SHROOM3: variants seen among roughly 807,000 people sequenced by gnomAD.
SHROOM3 encodes the protein shroom family member 3.
In SHROOM3, 47 loss-of-function variants were observed where a neutral mutation model predicts 138.6. That is an observed-to-expected ratio of 0.34 (90% CI 0.27 to 0.43). The LOEUF (loss-of-function observed/expected upper bound fraction) is 0.43, where lower values mean the gene tolerates loss of function less well. SHROOM3 is among the 20% of genes least tolerant of loss of function. The pLI, the probability that SHROOM3 is intolerant of heterozygous loss-of-function variation, is 1.00. For synonymous variants in SHROOM3, 1,062 were observed against 1,063.3 expected, an observed-to-expected ratio of 1.00 and a Z score of 0.02; for missense variants, 2,491 against 2,596.5, an observed-to-expected ratio of 0.96 and a Z score of 0.88.
chr4:76,657,180 TCTCTCTCTCG>T (rs1314827147), intron 2 of SHROOM3, among the ~76,000 whole-genome samples: 1 of 150,788 alleles, frequency 6.6e-6, no homozygotes, highest in Non-Finnish European at 1.5e-5. Flanking sequence ...TCTCTCTCTC[TCTCTCTCTCG>T]CTCTCTCTCT....
intron 2 of SHROOM3, among the ~76,000 whole-genome samples, chr4:76,661,546 T>G (rs1438573099): frequency 6.6e-6 from 1 of 152,192 alleles, no homozygotes; most frequent in Admixed American, 6.5e-5. Context: ...TATAGTCCAT[T>G]TTTATCACCA....
intron 1 of SHROOM3, among the ~76,000 whole-genome samples, chr4:76,541,625 G>GCACACACA (rs149127524): frequency 3.4e-5 from 5 of 148,558 alleles, no homozygotes; most frequent in Admixed American, 1.3e-4. Flanking sequence ...ATATGTGGGC[G>GCACACACA]CACACACACA....
chr4:76,713,062 C>T (rs566291982), intron 3 of SHROOM3, among the ~76,000 whole-genome samples: 1 of 152,342 alleles, frequency 6.6e-6, no homozygotes, highest in South Asian at 2.1e-4. Flanking sequence ...GCAGGAATGG[C>T]AGTTGCTCTG....
chr4:76,672,633 C>T (rs1241441934), intron 2 of SHROOM3, among the ~76,000 whole-genome samples: 1 of 152,078 alleles, frequency 6.6e-6, no homozygotes, highest in African/African-American at 2.4e-5. Context: ...AGTGCAGTGG[C>T]GTGATCTCAG....
intron 2 of SHROOM3, chr4:76,689,807 T>C: frequency 1.0e-6 from 1 of 953,722 alleles, no homozygotes; most frequent in African/African-American, 1.8e-5. Context: ...GAAAGCCCTG[T>C]CTGGAGGATG....
chr4:76,671,167 C>A lies in SHROOM3; in HGVS notation c.324-38989C>A, dbSNP rs565810168. Among the ~76,000 whole-genome samples, 43 of 152,284 alleles carry A rather than the reference C, an allele frequency of 2.8e-4. No homozygotes were observed. In the South Asian group the frequency reaches 3.3e-3, roughly 12 times the overall value. On this transcript the variant is annotated intron_variant, in intron 2 of 10. Transcript: ENST00000296043. ...AGGTATAGTAAACAAACCAAGCAGACCCCTGGCCTCATGGAGCTTACATAT... is the reference window on the plus strand; with the variant it reads ...AGGTATAGTAAACAAACCAAGCAGAACCCTGGCCTCATGGAGCTTACATAT...
At chr4:76,697,134 C>G (rs1719763215) in intron 2 of SHROOM3, among the ~76,000 whole-genome samples, 1 of 145,342 alleles carries the variant, frequency 6.9e-6, no homozygotes, top group Admixed American at 7.0e-5. Flanking sequence ...CACTGTGTTG[C>G]CCAGGCTGGT....
intron 1 of SHROOM3, among the ~76,000 whole-genome samples, chr4:76,499,117 A>G (rs574766528): frequency 1.3e-4 from 20 of 152,334 alleles, no homozygotes; most frequent in African/African-American, 4.3e-4. Flanking sequence ...GAAAGTAACT[A>G]AAACTCGGAG....
intron 1 of SHROOM3, among the ~76,000 whole-genome samples, chr4:76,506,832 A>G (rs1579200575): frequency 1.3e-5 from 2 of 152,134 alleles, no homozygotes; most frequent in South Asian, 2.1e-4. Context: ...AGTATTATCT[A>G]TTGACTTTCT....
chr4:76,466,445 T>A (rs1168571227), intron 1 of SHROOM3, among the ~76,000 whole-genome samples: 5 of 152,238 alleles, frequency 3.3e-5, no homozygotes, highest in Admixed American at 2.0e-4. Context: ...TGAGATAGAT[T>A]GGTTGCAGAA....
chr4:76,746,500 C>CT (rs1190167857), intron 5 of SHROOM3, among the ~76,000 whole-genome samples: 1 of 152,110 alleles, frequency 6.6e-6, no homozygotes, highest in Admixed American at 6.5e-5. Context: ...ATGTAGTAGT[C>CT]TATGTCATCT....
At position 76,739,505 on chromosome 4, in the gene SHROOM3, CCCA is replaced by C; in HGVS notation, c.1333_1335del (p.Pro445del). 1 of 1,614,086 alleles carries C rather than the reference CCCA, an allele frequency of 6.2e-7. No individual in the cohort carries two copies. Among genetic ancestry groups the C allele is most frequent in the Non-Finnish European group, 8.5e-7 (1 of 1,179,968 alleles). On this transcript the variant is annotated inframe_deletion, in exon 5 of 11. Coordinates refer to ENST00000296043, the MANE Select transcript of SHROOM3 (RefSeq NM_020859.4). ...TGGAGAAGAGTCCAGAGAACAGCCC[CCCA>C]GTGAAGCCCAAGCATAACTATACCC...
intron 2 of SHROOM3, among the ~76,000 whole-genome samples, chr4:76,675,234 A>G (rs554777532): frequency 2.0e-5 from 3 of 152,212 alleles, no homozygotes; most frequent in Non-Finnish European, 2.9e-5. Flanking sequence ...GCACCGGTGA[A>G]AACACACCCA....
At chr4:76,472,136 G>A (rs1731388551) in intron 1 of SHROOM3, among the ~76,000 whole-genome samples, 1 of 152,162 alleles carries the variant, frequency 6.6e-6, no homozygotes, top group Non-Finnish European at 1.5e-5. Context: ...TTTATTATTA[G>A]TAGTAGAATT....
At chr4:76,722,615 G>T (rs970274677) in intron 3 of SHROOM3, among the ~76,000 whole-genome samples, 3 of 151,794 alleles carry the variant, frequency 2.0e-5, no homozygotes, top group Non-Finnish European at 2.9e-5. Flanking sequence ...CATGACACAA[G>T]CTTACCTATA....
chr4:76,457,942 C>T (rs907005145), intron 1 of SHROOM3, among the ~76,000 whole-genome samples: 2 of 150,410 alleles, frequency 1.3e-5, no homozygotes, highest in African/African-American at 4.9e-5. Flanking sequence ...ATTACAGGTG[C>T]CCACCACCGT....
rs772522720 is a variant in SHROOM3 at position 76,754,952 on chromosome 4, C to G, written c.4469C>G (p.Ser1490Cys). 9.9e-6 allele frequency: 16 copies of G among 1,614,238 alleles called. No individual in the cohort carries two copies. Among genetic ancestry groups the G allele is most frequent in the Admixed American group, 5.0e-5 (3 of 60,030 alleles). Residue 1490 changes from serine (S) to cysteine (C), a missense_variant, in exon 7 of 11, where the codon TCT (serine) becomes TGT (cysteine). Physicochemically the swap from Ser to Cys is moderately radical, Grantham distance 112. This residue lies in a region of SHROOM3 where 1,733 missense variants were observed against 1,661.6 expected (regional missense o/e 1.04). Transcript: ENST00000296043. ...CCAGGGAGGATCTCCCTCCGAATAT[C>G]TGAGTCTGTCCTGCGGGACTCCCCG... ...STPGRISLRI[S>C]ESVLRDSPPP... is the part of the protein sequence containing the mutation.
At chr4:76,681,158 C>G (rs1719180774) in intron 2 of SHROOM3, among the ~76,000 whole-genome samples, 1 of 152,196 alleles carries the variant, frequency 6.6e-6, no homozygotes, top group Non-Finnish European at 1.5e-5. Context: ...CTGGCCTGTG[C>G]TGTTTGATGC....
At chr4:76,776,623 C>T (rs1248355632) in intron 10 of SHROOM3, among the ~76,000 whole-genome samples, 2 of 152,120 alleles carry the variant, frequency 1.3e-5, no homozygotes, top group African/African-American at 2.4e-5. Flanking sequence ...TTCTGTTGTG[C>T]AAAAGAAGCA....
Sources: gnomAD v4.1 joint callset for allele counts (sites outside exome capture counted in the v4.1 genomes callset) on GRCh38, gnomAD v4.1.1 for gene constraint, gnomAD v4.1.1 regional missense constraint, MANE v1.5 for transcripts, NCBI Gene and HGNC (gene_info 2026-07-23, HGNC 2026-07-21) for gene names.